CA10: variants seen among roughly 807,000 people sequenced by gnomAD.
CA10 encodes carbonic anhydrase-related protein 10.
A neutral mutation model predicts 44.2 loss-of-function variants in CA10; 14 were observed. The observed-to-expected ratio is 0.32, with a 90% confidence interval of 0.21 to 0.50. The LOEUF (loss-of-function observed/expected upper bound fraction) is 0.50. Ranked by LOEUF, CA10 falls within the 20% of genes least tolerant of loss-of-function variation. CA10 has a pLI of 0.99. For synonymous variants in CA10, 159 were observed against 141.6 expected, an observed-to-expected ratio of 1.12 and a Z score of -0.87; for missense variants, 350 against 409.7, an observed-to-expected ratio of 0.85 and a Z score of 1.26.
rs895552429 is a variant in CA10 at position 51,942,545 on chromosome 17, T to C, written c.137-11413A>G. ...AAGGAAATCTTGCAGGCATTATATA[T>C]ATATATATATCTGTCATCTCCCAAA... On this transcript the variant is annotated intron_variant, in intron 2 of 8. Coordinates refer to ENST00000451037, the MANE Select transcript of CA10 (RefSeq NM_020178.5). Among the ~76,000 whole-genome samples the C allele has an allele frequency of 1.6e-4, 24 of 150,060 alleles. 2 individuals carry two copies. The highest frequency in any genetic ancestry group is 3.3e-4 in the Non-Finnish European group (22 of 67,272).
At chr17:51,983,139 C>A (rs922905804) in intron 2 of CA10, among the ~76,000 whole-genome samples, 12 of 151,474 alleles carry the variant, frequency 7.9e-5, no homozygotes, top group South Asian at 2.1e-4. Flanking sequence ...TATATTTGGT[C>A]ACCCTTAATA....
intron 1 of CA10, among the ~76,000 whole-genome samples, chr17:52,096,000 T>C (rs1988391784): frequency 1.3e-5 from 2 of 152,286 alleles, no homozygotes; most frequent in South Asian, 4.1e-4. Flanking sequence ...TGTGAAATCT[T>C]GGTTTCAATT....
chr17:51,643,012 C>G lies in CA10; in HGVS notation c.634+6170G>C, dbSNP rs575439157. Among the ~76,000 whole-genome samples the G allele has an allele frequency of 1.7e-4, 26 of 152,156 alleles. No homozygotes were observed. In the South Asian group the frequency reaches 5.2e-3, roughly 30 times the overall value. ...ATTGGACTAAATGAATGGGGGCATG[C>G]GACACTGAAGGAGAATGAAGCTACC... On this transcript the variant is annotated intron_variant, in intron 6 of 8. Coordinates refer to ENST00000451037, the MANE Select transcript of CA10 (RefSeq NM_020178.5).
chr17:51,728,674 T>C (rs1159707405), intron 4 of CA10, among the ~76,000 whole-genome samples: 4 of 152,196 alleles, frequency 2.6e-5, no homozygotes, highest in Non-Finnish European at 1.5e-5. Context: ...CTGGTGCAGT[T>C]AGCTTTGATC....
intron 4 of CA10, among the ~76,000 whole-genome samples, chr17:51,658,505 G>A (rs1913883330): frequency 6.6e-6 from 1 of 152,192 alleles, no homozygotes; most frequent in Non-Finnish European, 1.5e-5. Flanking sequence ...GCTGAATCCT[G>A]ATGACCAGGA....
intron 4 of CA10, among the ~76,000 whole-genome samples, chr17:51,696,589 T>C (rs1915408279): frequency 6.6e-6 from 1 of 152,200 alleles, no homozygotes; most frequent in Admixed American, 6.5e-5. Context: ...TTCATTCAGT[T>C]CTGCTCAATT....
At chr17:52,115,636 G>C (rs1988877706) in intron 1 of CA10, among the ~76,000 whole-genome samples, 1 of 152,212 alleles carries the variant, frequency 6.6e-6, no homozygotes, top group Non-Finnish European at 1.5e-5. Context: ...GCATGCACAG[G>C]ACAGATGGGT....
chr17:52,072,546 T>TA (rs1987708106), intron 1 of CA10, among the ~76,000 whole-genome samples, 153 bp from the exon 2 acceptor site: 1 of 151,488 alleles, frequency 6.6e-6, no homozygotes, highest in Non-Finnish European at 1.5e-5. Flanking sequence ...TCCCTTTTTT[T>TA]TTTCAAATAG....
chr17:51,987,838 A>G (rs911969620), intron 2 of CA10, among the ~76,000 whole-genome samples: 2 of 150,726 alleles, frequency 1.3e-5, no homozygotes, highest in Admixed American at 1.3e-4. Context: ...ATTTGTCATC[A>G]GCAGACTTGC....
intron 2 of CA10, among the ~76,000 whole-genome samples, chr17:51,998,269 A>T (rs1985304786): frequency 6.6e-6 from 1 of 152,078 alleles, no homozygotes; most frequent in Non-Finnish European, 1.5e-5. Context: ...GGAACAATGA[A>T]AGTAGTATAA....
intron 3 of CA10, among the ~76,000 whole-genome samples, chr17:51,897,803 G>A (rs995856436): frequency 6.6e-6 from 1 of 151,970 alleles, no homozygotes; most frequent in Non-Finnish European, 1.5e-5. Flanking sequence ...TGTATTCCTA[G>A]GTATTTTATT....
intron 2 of CA10, among the ~76,000 whole-genome samples, chr17:51,955,480 C>A (rs1053752048): frequency 6.6e-6 from 1 of 152,144 alleles, no homozygotes; most frequent in Non-Finnish European, 1.5e-5. Flanking sequence ...TGGCAACTTG[C>A]CACTCCTCAA....
At chr17:52,008,451 T>A (rs770838952) in intron 2 of CA10, among the ~76,000 whole-genome samples, 7 of 151,940 alleles carry the variant, frequency 4.6e-5, no homozygotes, top group Non-Finnish European at 8.8e-5. Flanking sequence ...AATTGTCTTT[T>A]GGAGGGAACA....
rs547976910 is a variant in CA10, at chr17:51,679,062, CAA to C, written c.466-25328_466-25327del. ...GTATGCTACAGTCATTCTCCACCCT[CAA>C]AGAGTTTACCATTTATTGGTGGGGG... On this transcript the variant is annotated intron_variant, in intron 4 of 8. Transcript: ENST00000451037. Among the ~76,000 whole-genome samples the C allele has an allele frequency of 1.1e-4, 17 of 152,234 alleles. No homozygotes were observed. In the South Asian group the frequency reaches 3.5e-3, roughly 32 times the overall value.
At chr17:51,803,773 G>A (rs535944458) in intron 3 of CA10, among the ~76,000 whole-genome samples, 25 of 152,302 alleles carry the variant, frequency 1.6e-4, no homozygotes, top group African/African-American at 6.0e-4. Context: ...ACTTTTCAAT[G>A]GTTTTCACTT....
At chr17:51,803,273 G>A (rs1276594437) in intron 3 of CA10, among the ~76,000 whole-genome samples, 2 of 152,168 alleles carry the variant, frequency 1.3e-5, no homozygotes, top group Non-Finnish European at 2.9e-5. Flanking sequence ...TAGCAGAAGT[G>A]GCCCTACCTT....
chr17:51,982,847 C>T (rs567887998), intron 2 of CA10, among the ~76,000 whole-genome samples: 37 of 151,934 alleles, frequency 2.4e-4, no homozygotes, highest in African/African-American at 7.5e-4. Flanking sequence ...GGGTCTGGTT[C>T]ACAGTACATG....
Position 51,958,143 on chromosome 17 carries a change from T to C in CA10, c.137-27011A>G, listed in dbSNP as rs562072670. Among the ~76,000 whole-genome samples, 108 of 152,154 alleles carry C rather than the reference T, an allele frequency of 7.1e-4. 2 individuals carry two copies. In the South Asian group the frequency reaches 0.022, roughly 30 times the overall value. On this transcript the variant is annotated intron_variant, in intron 2 of 8. Transcript: ENST00000451037. ...TCAATGTGAAGTTCATTAAATGACG[T>C]ATGTAGCTGCAAAGAAAAAAACACG...
At chr17:51,738,545 T>C (rs892959843) in intron 4 of CA10, among the ~76,000 whole-genome samples, 2 of 152,212 alleles carry the variant, frequency 1.3e-5, no homozygotes, top group Non-Finnish European at 2.9e-5. Context: ...AATCTTTAAT[T>C]CTCACATTTA....
Sources: allele counts gnomAD v4.1 joint callset (sites outside exome capture counted in the v4.1 genomes callset), GRCh38; gene constraint gnomAD v4.1.1; transcripts MANE v1.5; gene names NCBI Gene and HGNC (gene_info 2026-07-23, HGNC 2026-07-21).